The following CNTNAP4 variants were observed in gnomAD, a reference collection of about 807,000 sequenced individuals.
CNTNAP4 encodes contactin-associated protein-like 4.
A neutral mutation model predicts 148.4 loss-of-function variants in CNTNAP4; 98 were observed. That is an observed-to-expected ratio of 0.66 (90% CI 0.56 to 0.78). The LOEUF (loss-of-function observed/expected upper bound fraction) is 0.78, where lower values mean the gene tolerates loss of function less well. CNTNAP4 is among the 30% of genes least tolerant of loss of function. The pLI is 0.00. For missense variants in CNTNAP4, 1,935 were observed against 1,565.6 expected, an observed-to-expected ratio of 1.24 and a Z score of -3.98; for synonymous variants, 730 against 565.1, an observed-to-expected ratio of 1.29 and a Z score of -4.14.
chr16:76,359,296 C>A (rs1291691956), intron 3 of CNTNAP4, among the ~76,000 whole-genome samples: 5 of 151,960 alleles, frequency 3.3e-5, no homozygotes, highest in African/African-American at 9.7e-5. Flanking sequence ...AATAAGTCTA[C>A]GAAAGAGAGT....
intron 7 of CNTNAP4, among the ~76,000 whole-genome samples, chr16:76,451,962 AT>A (rs1568226981): frequency 6.6e-6 from 1 of 152,138 alleles, no homozygotes; most frequent in East Asian, 1.9e-4. Context: ...CTCATTACGT[AT>A]TATATATATG....
Position 76,535,726 on chromosome 16 carries a change from C to T in CNTNAP4, c.2937C>T (p.Pro979=). 1 of 1,613,902 alleles carries T rather than the reference C, an allele frequency of 6.2e-7. No individual in the cohort carries two copies. Among genetic ancestry groups the T allele is most frequent in the South Asian group, 1.1e-5 (1 of 91,076 alleles). ...ATGGAGGGAAATGCAGAGAAAGACC[C>T]ATTGGGTTCTTTTGTGACTGCACTT... ...CRNGGKCRER[P]IGFFCDCTFS... is the part of the protein sequence containing the mutation. Residue 979 remains proline (P), a synonymous_variant, in exon 18 of 24, where the codon CCC becomes CCT. Coordinates refer to ENST00000611870, the MANE Select transcript of CNTNAP4 (RefSeq NM_033401.5).
chr16:76,366,227 G>A (rs1430809273), intron 3 of CNTNAP4, among the ~76,000 whole-genome samples: 1 of 152,088 alleles, frequency 6.6e-6, no homozygotes. Context: ...TATTTTGTCA[G>A]CCAGGTACTA....
In CNTNAP4 at chr16:76,504,954, C is replaced by A. The variant is rs116394171; in HGVS notation, c.2365+6260C>A. 6.2e-3 allele frequency among the ~76,000 whole-genome samples: 944 copies of A among 152,024 alleles called. 8 individuals are homozygous for A. Among genetic ancestry groups the A allele is most frequent in the African/African-American group, 0.022 (897 of 41,422 alleles). On this transcript the variant is annotated intron_variant, in intron 15 of 23. Transcript: ENST00000611870. ...TTAACAAATAATAATAACAAAAAAA[C>A]CCCAAAATATAACAAGTGCTAGTAA...
At chr16:76,337,996 CAT>C (rs1379669376) in intron 2 of CNTNAP4, among the ~76,000 whole-genome samples, 2 of 152,156 alleles carry the variant, frequency 1.3e-5, no homozygotes, top group Non-Finnish European at 2.9e-5. Flanking sequence ...TTCAAACACA[CAT>C]GTTTTACAAA....
At chr16:76,371,386 A>G (rs1250577713) in intron 3 of CNTNAP4, among the ~76,000 whole-genome samples, 1 of 152,284 alleles carries the variant, frequency 6.6e-6, no homozygotes, top group East Asian at 1.9e-4. Context: ...CCCGGATTCA[A>G]GCGACTCTCC....
intron 2 of CNTNAP4, among the ~76,000 whole-genome samples, chr16:76,336,568 G>T (rs569850822): frequency 6.6e-6 from 1 of 152,346 alleles, no homozygotes; most frequent in African/African-American, 2.4e-5. Context: ...GAACTGTGAT[G>T]TAAAAGACCT....
intron 2 of CNTNAP4, among the ~76,000 whole-genome samples, chr16:76,320,562 G>A (rs959439871): frequency 1.3e-5 from 2 of 152,086 alleles, no homozygotes; most frequent in Non-Finnish European, 2.9e-5. Context: ...TAGAGAGAAG[G>A]TTATCTAGAA....
intron 3 of CNTNAP4, among the ~76,000 whole-genome samples, chr16:76,374,490 G>A (rs1013887989): frequency 6.6e-6 from 1 of 151,980 alleles, no homozygotes; most frequent in Non-Finnish European, 1.5e-5. Context: ...AACTCACAGG[G>A]AACTGTGCTC....
At chr16:76,407,754 A>G (rs1238359774) in intron 3 of CNTNAP4, among the ~76,000 whole-genome samples, 1 of 152,272 alleles carries the variant, frequency 6.6e-6, no homozygotes, top group African/African-American at 2.4e-5. Context: ...TGAAATGACA[A>G]CAAAGGATTT....
intron 3 of CNTNAP4, among the ~76,000 whole-genome samples, chr16:76,397,589 T>A (rs1037989338): frequency 2.0e-5 from 3 of 151,904 alleles, no homozygotes; most frequent in Non-Finnish European, 4.4e-5. Context: ...ACATACCTAA[T>A]GGTAGCAGTA....
At chr16:76,414,245 G>C (rs1355882022) in intron 3 of CNTNAP4, among the ~76,000 whole-genome samples, 2 of 151,224 alleles carry the variant, frequency 1.3e-5, no homozygotes, top group Non-Finnish European at 3.0e-5. Flanking sequence ...TTTTAATCCT[G>C]TGTGAATATT....
intron 3 of CNTNAP4, among the ~76,000 whole-genome samples, chr16:76,386,134 C>A (rs1007152998): frequency 6.6e-6 from 1 of 152,080 alleles, no homozygotes; most frequent in East Asian, 1.9e-4. Flanking sequence ...GCACATAAAG[C>A]TTTGATTTGG....
At chr16:76,356,744 A>C (rs893773924) in intron 3 of CNTNAP4, among the ~76,000 whole-genome samples, 2 of 152,200 alleles carry the variant, frequency 1.3e-5, no homozygotes, top group Non-Finnish European at 2.9e-5. Context: ...ATTTGGGCAC[A>C]TAATGATAAT....
At chr16:76,290,905 G>A (rs1959087749) in intron 1 of CNTNAP4, among the ~76,000 whole-genome samples, 1 of 152,152 alleles carries the variant, frequency 6.6e-6, no homozygotes, top group African/African-American at 2.4e-5. Context: ...CTCTCCTCCT[G>A]ACTTGCAGAT....
intron 3 of CNTNAP4, among the ~76,000 whole-genome samples, chr16:76,363,950 T>C (rs72628212): frequency 0.13 from 20,033 of 151,970 alleles, 2,030 homozygotes; most frequent in East Asian, 0.47. Flanking sequence ...TACCTTAATA[T>C]ATAATATACA....
Position 76,539,863 on chromosome 16 carries a change from A to G in CNTNAP4, c.3354+11A>G. The G allele has an allele frequency of 6.4e-7, 1 of 1,554,808 alleles. No individual in the cohort carries two copies. ...GTGGTCTTTATAGAGGTAATGTAGT[A>G]AATTCAGCAGAAGCAATCATTTTAA... On this transcript the variant is annotated intron_variant, in intron 20 of 23. Transcript: ENST00000611870.
intron 10 of CNTNAP4, among the ~76,000 whole-genome samples, chr16:76,471,875 G>GC (rs2081390045): frequency 1.3e-5 from 2 of 152,254 alleles, no homozygotes; most frequent in South Asian, 4.1e-4. Context: ...CATTATCCTA[G>GC]CGCTCATTGG....
chr16:76,403,585 T>C (rs369399899), intron 3 of CNTNAP4, among the ~76,000 whole-genome samples: 1,753 of 152,320 alleles, frequency 0.012, 21 homozygotes, highest in Non-Finnish European at 0.02. Context: ...GGAACACTTA[T>C]ACACTGTTGG....
Sources: allele counts gnomAD v4.1 joint callset (sites outside exome capture counted in the v4.1 genomes callset), GRCh38; gene constraint gnomAD v4.1.1; transcripts MANE v1.5; gene names NCBI Gene and HGNC (gene_info 2026-07-23, HGNC 2026-07-21).